APLF: variants seen among roughly 807,000 people sequenced by gnomAD.
The protein encoded by APLF is aprataxin and PNKP like factor.
Under a neutral mutation model 55.6 loss-of-function variants are expected in APLF, and 61 were observed. That is an observed-to-expected ratio of 1.10 (90% CI 0.89 to 1.36). The LOEUF (loss-of-function observed/expected upper bound fraction) is 1.36. Among genes scored for constraint, APLF ranks in the 40% most tolerant of loss-of-function variants. The pLI is 0.00. For synonymous variants in APLF, 207 were observed against 214.8 expected (o/e 0.96, Z 0.32); for missense variants, 611 against 602.5 (o/e 1.01, Z -0.15).
At chr2:68,519,756 C>T (rs1437605581) in intron 5 of APLF, among the ~76,000 whole-genome samples, 2 of 151,168 alleles carry the variant, frequency 1.3e-5, no homozygotes, top group East Asian at 1.9e-4. Context: ...TTTGCAATTG[C>T]GAATTGTGCT....
At chr2:68,513,961 C>G (rs1669493573) in intron 5 of APLF, among the ~76,000 whole-genome samples, 1 of 151,736 alleles carries the variant, frequency 6.6e-6, no homozygotes, top group African/African-American at 2.4e-5. Context: ...CCTCTTGGTG[C>G]TATGTCTAGG....
chr2:68,545,358 C>A, intron 8 of APLF, 46 bp downstream of exon 8: 1 of 1,578,272 alleles, frequency 6.3e-7, no homozygotes, highest in South Asian at 1.2e-5. Context: ...TTTCTTATCT[C>A]TGTTACTTAT....
intron 2 of APLF, among the ~76,000 whole-genome samples, chr2:68,490,902 A>G (rs1676339021): frequency 6.6e-6 from 1 of 152,338 alleles, no homozygotes. Flanking sequence ...ATTTTAGACT[A>G]GATCGTATGG....
At chr2:68,528,468 G>T in intron 6 of APLF, 2 of 1,534,102 alleles carry the variant, frequency 1.3e-6, no homozygotes, top group Non-Finnish European at 1.7e-6. Context: ...GGTTGCAGCT[G>T]CAGTGGTGGC....
intron 3 of APLF, among the ~76,000 whole-genome samples, chr2:68,503,642 T>C (rs1676789914): frequency 6.6e-6 from 1 of 151,984 alleles, no homozygotes; most frequent in African/African-American, 2.4e-5. Context: ...CATAGGGAAA[T>C]TGGAAAACAT....
rs369586012 is a variant in APLF, at chr2:68,504,541, C to T, written c.341+1638C>T. Among the ~76,000 whole-genome samples, 3 of 151,888 alleles carry T rather than the reference C, an allele frequency of 2.0e-5. No homozygotes were observed. The East Asian group carries it at 5.8e-4, about 29-fold the overall frequency. Reference sequence around the variant, plus strand: ...AAGAACTATCATTTTAATAGATGCTCAAAAATAATTTTGACAAAATTCAAC... The same window carrying T: ...AAGAACTATCATTTTAATAGATGCTTAAAAATAATTTTGACAAAATTCAAC... On this transcript the variant is annotated intron_variant, in intron 3 of 9. Coordinates refer to ENST00000303795, the MANE Select transcript of APLF (RefSeq NM_173545.3).
At chr2:68,474,528 T>C (rs879348912) in intron 1 of APLF, among the ~76,000 whole-genome samples, 3 of 152,214 alleles carry the variant, frequency 2.0e-5, no homozygotes, top group Non-Finnish European at 2.9e-5. Context: ...TTTACAATTA[T>C]ATATATCTTC....
At chr2:68,549,433 T>C (rs1676017934) in intron 8 of APLF, among the ~76,000 whole-genome samples, 1 of 152,138 alleles carries the variant, frequency 6.6e-6, no homozygotes, top group Non-Finnish European at 1.5e-5. Context: ...TTGATATTTA[T>C]AAATGTTTGA....
At chr2:68,510,382 C>T (rs531691899) in intron 3 of APLF, among the ~76,000 whole-genome samples, 1 of 151,820 alleles carries the variant, frequency 6.6e-6, no homozygotes, top group East Asian at 1.9e-4. Context: ...TTTGAATAGA[C>T]ATTTTTCCAA....
Position 68,513,228 on chromosome 2 carries a change from G to A in APLF, c.489+1G>A, listed in dbSNP as rs1296069728. The A allele has an allele frequency of 2.5e-6, 4 of 1,595,992 alleles. No individual in the cohort carries two copies. The highest frequency in any genetic ancestry group is 1.7e-4 in the Middle Eastern group (1 of 5,966). ...CCAGATGACTCCCACAAATAGTGTG[G>A]TGAGAAATTTGATATCTCATCCATT... On this transcript the variant is annotated splice_donor_variant, in intron 4 of 9. Coordinates refer to ENST00000303795, the MANE Select transcript of APLF (RefSeq NM_173545.3). LOFTEE classifies it high-confidence loss of function.
intron 6 of APLF, chr2:68,528,454 G>A (rs1048446379): frequency 8.5e-6 from 13 of 1,534,024 alleles, no homozygotes; most frequent in Non-Finnish European, 1.1e-5. Context: ...GCAGGGGAGG[G>A]GTTGGTTGCA....
chr2:68,470,079 T>G (rs1490015081), intron 1 of APLF, among the ~76,000 whole-genome samples: 2 of 152,214 alleles, frequency 1.3e-5, no homozygotes, highest in Non-Finnish European at 2.9e-5. Flanking sequence ...TTTGCTTTCA[T>G]GTGAGTCATC....
intron 1 of APLF, among the ~76,000 whole-genome samples, chr2:68,476,412 G>C (rs535427532): frequency 1.3e-5 from 2 of 150,746 alleles, no homozygotes; most frequent in South Asian, 2.1e-4. Context: ...GAACCTGGGA[G>C]GCAGAGATTG....
Position 68,532,964 on chromosome 2 carries a change from A to C in APLF, c.805-4908A>C, listed in dbSNP as rs573375245. On this transcript the variant is annotated intron_variant, in intron 6 of 9. Transcript: ENST00000303795. ...TGTGAAGCTGGATGCAGTGACATGC[A>C]CCTGTAGTCCCAGCTACTTGGGAGG... Among the ~76,000 whole-genome samples the C allele has an allele frequency of 1.2e-3, 189 of 152,274 alleles. 1 individual carries two copies. Among genetic ancestry groups the C allele is most frequent in the Admixed American group, 2.7e-3 (42 of 15,292 alleles).
At chr2:68,555,437 C>G (rs866707746) in intron 8 of APLF, among the ~76,000 whole-genome samples, 22 of 152,058 alleles carry the variant, frequency 1.4e-4, no homozygotes, top group African/African-American at 4.3e-4. Context: ...TATCCAGAAT[C>G]TACAATGAAT....
chr2:68,547,046 C>G (rs1422023655), intron 8 of APLF, among the ~76,000 whole-genome samples: 1 of 151,726 alleles, frequency 6.6e-6, no homozygotes, highest in African/African-American at 2.4e-5. Flanking sequence ...AGGATGCTTA[C>G]TGGATACAAA....
intron 1 of APLF, among the ~76,000 whole-genome samples, chr2:68,474,881 TG>T (rs1388113697): frequency 1.3e-5 from 2 of 152,198 alleles, no homozygotes; most frequent in Non-Finnish European, 2.9e-5. Flanking sequence ...TTGATCAGGC[TG>T]GTCTCGAACT....
rs766121942 is a variant in APLF, at chr2:68,513,541, T to C, written c.490-7T>C. 1.2e-6 allele frequency: 2 copies of C among 1,608,764 alleles called. No individual in the cohort carries two copies. The highest frequency in any genetic ancestry group is 1.7e-6 in the Non-Finnish European group (2 of 1,177,328). ...TTATTTTTAGTAATTTATAGGTGTC[T>C]TTTTAGTCTTTCCTAGGTGAAAATA... is the stretch of plus-strand genomic sequence containing the variant. On this transcript the variant is annotated splice_region_variant and splice_polypyrimidine_tract_variant and intron_variant, in intron 4 of 9. Transcript: ENST00000303795.
At chr2:68,507,754 T>A (rs998343337) in intron 3 of APLF, among the ~76,000 whole-genome samples, 1 of 151,960 alleles carries the variant, frequency 6.6e-6, no homozygotes, top group African/African-American at 2.4e-5. Context: ...GTGATAAGTA[T>A]AACATTTTGT....
Sources: allele counts gnomAD v4.1 joint callset (sites outside exome capture counted in the v4.1 genomes callset), GRCh38; gene constraint gnomAD v4.1.1; transcripts MANE v1.5; gene names NCBI Gene and HGNC (gene_info 2026-07-23, HGNC 2026-07-21).